The following SLC29A3 variants were observed in gnomAD, a reference collection of about 807,000 sequenced individuals.
SLC29A3 encodes equilibrative nucleoside transporter 3.
SLC29A3 carries 18 observed loss-of-function variants against 25.4 expected under a neutral mutation model. The observed-to-expected ratio is 0.71, with a 90% CI of 0.49 to 1.05. The LOEUF is 1.05. Among genes scored for constraint, SLC29A3 ranks in the 50% least tolerant of loss-of-function variants. The pLI is 0.00. For synonymous variants in SLC29A3, 258 were observed against 267.1 expected (o/e 0.97, Z 0.33); for missense variants, 586 against 609.0 (o/e 0.96, Z 0.40).
intron 2 of SLC29A3, among the ~76,000 whole-genome samples, chr10:71,336,829 C>T (rs1372928217): frequency 6.6e-6 from 1 of 152,014 alleles, no homozygotes; most frequent in Non-Finnish European, 1.5e-5. Context: ...CTTTGCTCAT[C>T]GTCCAGCAGG....
At position 71,358,425 on chromosome 10, in the gene SLC29A3, C is replaced by G. The variant is rs1396872712; in HGVS notation, c.773+2182C>G. 7.9e-5 allele frequency among the ~76,000 whole-genome samples: 12 copies of G among 152,282 alleles called. No homozygotes were observed. In the East Asian group the frequency reaches 2.1e-3, roughly 27 times the overall value. ...TGCTTGAGCTATGCAGTATCCCAGG[C>G]ACCTACAGACCCCTGGGCTGCCCAG... On this transcript the variant is annotated intron_variant, in intron 5 of 5. Coordinates refer to ENST00000373189, the MANE Select transcript of SLC29A3 (RefSeq NM_018344.6).
At chr10:71,365,645 G>C (rs780688), downstream of SLC29A3, 3 of 152,086 alleles carry the variant, frequency 2.0e-5, no homozygotes, top group African/African-American at 7.2e-5. Context: ...CTTCACAGAG[G>C]GTCATTCCCT....
At chr10:71,349,895 C>T (rs1846705806) in intron 3 of SLC29A3, among the ~76,000 whole-genome samples, 1 of 152,182 alleles carries the variant, frequency 6.6e-6, no homozygotes, top group African/African-American at 2.4e-5. Context: ...GGTTTTGTGC[C>T]CCTCAGATGT....
intron 2 of SLC29A3, among the ~76,000 whole-genome samples, chr10:71,324,536 C>T (rs1042023412): frequency 6.6e-6 from 1 of 152,194 alleles, no homozygotes; most frequent in Non-Finnish European, 1.5e-5. Flanking sequence ...AGGTCTAGGA[C>T]TTACACAGTC....
At chr10:71,343,051 C>T (rs1846454675) in intron 2 of SLC29A3, among the ~76,000 whole-genome samples, 1 of 152,198 alleles carries the variant, frequency 6.6e-6, no homozygotes, top group African/African-American at 2.4e-5. Context: ...TTACTCACTG[C>T]AGCCTCGAAC....
At chr10:71,332,744 T>C (rs779726976) in intron 2 of SLC29A3, among the ~76,000 whole-genome samples, 5 of 152,238 alleles carry the variant, frequency 3.3e-5, no homozygotes, top group African/African-American at 1.2e-4. Flanking sequence ...CCTCTGATTC[T>C]AACTGCGGGC....
At chr10:71,364,861 T>A (rs1847154660), downstream of SLC29A3, 2 of 152,250 alleles carry the variant, frequency 1.3e-5, no homozygotes, top group African/African-American at 4.8e-5. Flanking sequence ...GGTTTTTTCA[T>A]TGACTTTAGT....
chr10:71,321,667 A>G (rs990787723), intron 1 of SLC29A3, among the ~76,000 whole-genome samples: 6 of 152,250 alleles, frequency 3.9e-5, no homozygotes, highest in African/African-American at 1.4e-4. Context: ...GCAGTTGCAT[A>G]ACTATCATAA....
intron 4 of SLC29A3, among the ~76,000 whole-genome samples, chr10:71,353,814 C>T (rs75619440): frequency 0.011 from 1,732 of 152,266 alleles, 19 homozygotes; most frequent in Middle Eastern, 0.02. Context: ...TTAAACCCCT[C>T]ATTTGCATGT....
At chr10:71,329,122 G>A (rs1846056553) in intron 2 of SLC29A3, among the ~76,000 whole-genome samples, 3 of 152,216 alleles carry the variant, frequency 2.0e-5, no homozygotes, top group Non-Finnish European at 4.4e-5. Flanking sequence ...TGGTGAGCTA[G>A]GTGCTGCCAT....
At chr10:71,329,402 G>A (rs1341612903) in intron 2 of SLC29A3, among the ~76,000 whole-genome samples, 1 of 147,302 alleles carries the variant, frequency 6.8e-6, no homozygotes, top group Non-Finnish European at 1.5e-5. Context: ...AGGCTGCAGT[G>A]AGCCATGATC....
intron 3 of SLC29A3, among the ~76,000 whole-genome samples, chr10:71,373,283 A>T (rs960667390): frequency 6.6e-6 from 1 of 152,250 alleles, no homozygotes; most frequent in African/African-American, 2.4e-5. Flanking sequence ...CAGAAGACAG[A>T]TGTCTGTGGC....
At position 71,323,045 on chromosome 10, in the gene SLC29A3, A is replaced by C; in HGVS notation, c.291A>C (p.Ser97=). 1 of 1,613,184 alleles carries C rather than the reference A, an allele frequency of 6.2e-7. No individual in the cohort carries two copies. The change falls in exon 2 of 6, where the codon TCA becomes TCC. Residue 97 remains serine, a synonymous_variant. Coordinates refer to ENST00000373189, the MANE Select transcript of SLC29A3 (RefSeq NM_018344.6). ...SPATGEDPEG[S]DILNYFESYL... ...CCACCGGGGAGGACCCTGAGGGCTC[A>C]GACATCCTGGTAAGGGCATGTTTCT...
downstream of SLC29A3, chr10:71,363,467 TTTA>T (rs370414468): frequency 1.8e-3 from 701 of 396,160 alleles, 1 homozygote; most frequent in African/African-American, 0.014. Flanking sequence ...TTTTTTAAAA[TTTA>T]TTATTATTAT....
At chr10:71,345,901 C>T (rs548127103) in intron 3 of SLC29A3, among the ~76,000 whole-genome samples, 5 of 152,360 alleles carry the variant, frequency 3.3e-5, no homozygotes, top group East Asian at 1.9e-4. Context: ...TCTGTCTACT[C>T]GCTCAGCCCG....
At position 71,355,296 on chromosome 10, in the gene SLC29A3, G is replaced by T. The variant is rs114021353; in HGVS notation, c.611-785G>T. On this transcript the variant is annotated intron_variant, in intron 4 of 5. Transcript: ENST00000373189. ...TCCTAGCCCCGTTGGCACCCGAGTA[G>T]GTCGTGTGGCCTCCTCTGTTAGGTA... Among the ~76,000 whole-genome samples, 444 of 152,360 alleles carry T rather than the reference G, an allele frequency of 2.9e-3. 1 individual carries two copies. The highest frequency in any genetic ancestry group is 9.9e-3 in the African/African-American group (412 of 41,578).
downstream of SLC29A3, among the ~76,000 whole-genome samples, chr10:71,368,180 G>C (rs1033330756): frequency 1.3e-5 from 2 of 152,060 alleles, no homozygotes; most frequent in East Asian, 3.9e-4. Context: ...CAGTGAGCTA[G>C]AATTGCACCA....
At chr10:71,328,160 A>C (rs1846016364) in intron 2 of SLC29A3, among the ~76,000 whole-genome samples, 1 of 152,146 alleles carries the variant, frequency 6.6e-6, no homozygotes, top group South Asian at 2.1e-4. Flanking sequence ...CGGCCAGGTC[A>C]TGAGTGGGAC....
intron 4 of SLC29A3, among the ~76,000 whole-genome samples, chr10:71,354,783 T>C (rs186762408): frequency 1.5e-3 from 231 of 152,354 alleles, no homozygotes; most frequent in Non-Finnish European, 1.5e-3. Flanking sequence ...GGTGATGGTG[T>C]TGGCCTTGTT....
Sources: gnomAD v4.1 joint callset for allele counts (sites outside exome capture counted in the v4.1 genomes callset) on GRCh38, gnomAD v4.1.1 for gene constraint, MANE v1.5 for transcripts, NCBI Gene and HGNC (gene_info 2026-07-23, HGNC 2026-07-21) for gene names.